Variants in EPC1 observed in about 807,000 individuals in gnomAD.
The protein encoded by EPC1 is enhancer of polycomb 1, also known as enhancer of polycomb homolog 1.
A neutral mutation model predicts 98.4 loss-of-function variants in EPC1; 12 were observed. The ratio of observed to expected loss-of-function variants is 0.12; its 90% confidence interval spans 0.08 to 0.20. The LOEUF is 0.20. Among genes scored for constraint, EPC1 ranks in the 10% least tolerant of loss-of-function variants. The pLI is 1.00. For missense variants in EPC1, 729 were observed against 990.5 expected (o/e 0.74, Z 3.54); for synonymous variants, 357 against 363.9 (o/e 0.98, Z 0.21).
chr10:32,299,626 T>G (rs1477794591), intron 2 of EPC1, among the ~76,000 whole-genome samples: 1 of 152,184 alleles, frequency 6.6e-6, no homozygotes, highest in Non-Finnish European at 1.5e-5. Flanking sequence ...CCATTGTGAT[T>G]AGATTACACA....
chr10:32,290,483 C>CTCAG (rs369289877), intron 6 of EPC1, among the ~76,000 whole-genome samples: 4 of 40,160 alleles, frequency 1.0e-4, no homozygotes, highest in African/African-American at 1.3e-4. Context: ...AAGACTCTGT[C>CTCAG]AAAAAAAAAA....
intron 1 of EPC1, among the ~76,000 whole-genome samples, chr10:32,357,633 AT>A (rs1275576273): frequency 6.6e-6 from 1 of 151,724 alleles, no homozygotes; most frequent in African/African-American, 2.4e-5. Context: ...TAATTTTTTA[AT>A]TGTTTTCTAG....
chr10:32,268,887 T>C lies in EPC1; in HGVS notation c.*176A>G, dbSNP rs1835703575. The C allele has an allele frequency of 1.8e-6, 1 of 569,468 alleles. No homozygotes were observed. The highest frequency in any genetic ancestry group is 2.9e-5 in the East Asian group (1 of 34,278). 35.3% of individuals were successfully genotyped at this position (569,468 alleles called of 1,614,324 possible). ...TTCTTAATTTACAGATGTTGATTTTTTTCCTATTAACAGTAAGAAAAGAAA... is the reference window on the plus strand; with the variant it reads ...TTCTTAATTTACAGATGTTGATTTTCTTCCTATTAACAGTAAGAAAAGAAA... On this transcript the variant is annotated 3_prime_UTR_variant, in exon 14 of 14. Coordinates refer to ENST00000319778, the MANE Select transcript of EPC1 (RefSeq NM_001272004.3).
chr10:32,372,584 A>G (rs1458479022), intron 1 of EPC1, among the ~76,000 whole-genome samples: 1 of 152,260 alleles, frequency 6.6e-6, no homozygotes, highest in African/African-American at 2.4e-5. Context: ...CAAATGTATC[A>G]GAAGCAAATT....
intron 1 of EPC1, among the ~76,000 whole-genome samples, chr10:32,306,888 AC>A (rs1419583205): frequency 6.6e-6 from 1 of 150,400 alleles, no homozygotes; most frequent in Non-Finnish European, 1.5e-5. Flanking sequence ...ACACACACAA[AC>A]AAGTTCATGG....
Position 32,271,571 on chromosome 10 carries a change from A to G in EPC1, c.2352T>C (p.Ser784=). 6.2e-7 allele frequency: 1 copy of G among 1,614,012 alleles called. No homozygotes were observed. Among genetic ancestry groups the G allele is most frequent in the African/African-American group, 1.3e-5 (1 of 75,066 alleles). The change falls in exon 13 of 14, where the codon TCT becomes TCC. Residue 784 remains serine (S), a synonymous_variant. Transcript: ENST00000319778. ...CQVSKVPSSS[S]VDSVPRENHE... ...CTACTCACCTTGGAACTGAATCTACAGAGGATGAAGATGGGACCTTGGAAA... is the reference window on the plus strand; with the variant it reads ...CTACTCACCTTGGAACTGAATCTACGGAGGATGAAGATGGGACCTTGGAAA...
At chr10:32,355,593 T>G (rs1391368374) in intron 1 of EPC1, among the ~76,000 whole-genome samples, 1 of 140,226 alleles carries the variant, frequency 7.1e-6, no homozygotes, top group African/African-American at 2.6e-5. Context: ...ACACACTACC[T>G]TTAGTGCCTT....
upstream of EPC1, among the ~76,000 whole-genome samples, chr10:32,349,623 A>G (rs1041202509): frequency 6.6e-5 from 10 of 152,182 alleles, no homozygotes; most frequent in Admixed American, 5.9e-4. Context: ...TTTGTTTTTT[A>G]GAGACAGTGT....
chr10:32,344,348 C>T (rs116469522), intron 1 of EPC1, among the ~76,000 whole-genome samples: 1,728 of 152,188 alleles, frequency 0.011, 35 homozygotes, highest in African/African-American at 0.039. Context: ...TGCTTCTCTC[C>T]TCATACATAG....
intron 2 of EPC1, among the ~76,000 whole-genome samples, chr10:32,304,617 C>T (rs1835763808): frequency 6.6e-6 from 1 of 151,992 alleles, no homozygotes; most frequent in Non-Finnish European, 1.5e-5. Context: ...TAGATGGTCC[C>T]CTAGAAAAAC....
rs1835854964 is a variant in EPC1, at chr10:32,271,760, A to G, written c.2163T>C (p.Ser721=). The change falls in exon 13 of 14, where the codon TCT becomes TCC. Residue 721 remains serine, a synonymous_variant. Coordinates refer to ENST00000319778, the MANE Select transcript of EPC1 (RefSeq NM_001272004.3). ...ALSHQVTAAN[S]ATTQVLIGNN... is the part of the protein sequence containing the mutation. Reference sequence around the variant, plus strand: ...TCCCAATCAGAACCTGAGTTGTTGCAGAATTGGCAGCAGTTACTTGATGAC... The same window carrying G: ...TCCCAATCAGAACCTGAGTTGTTGCGGAATTGGCAGCAGTTACTTGATGAC... 1 of 1,614,212 alleles carries G rather than the reference A, an allele frequency of 6.2e-7. No individual in the cohort carries two copies. The highest frequency in any genetic ancestry group is 8.5e-7 in the Non-Finnish European group (1 of 1,180,036).
At chr10:32,326,390 G>C (rs1441444723) in intron 1 of EPC1, among the ~76,000 whole-genome samples, 1 of 152,144 alleles carries the variant, frequency 6.6e-6, no homozygotes, top group Non-Finnish European at 1.5e-5. Context: ...CGCCAGGCTT[G>C]AGATGTTTAC....
intron 2 of EPC1, among the ~76,000 whole-genome samples, chr10:32,301,245 A>T (rs1835521868): frequency 6.6e-6 from 1 of 152,224 alleles, no homozygotes; most frequent in Non-Finnish European, 1.5e-5. Context: ...GGATCTGTAT[A>T]ATGAAAATTA....
At chr10:32,369,340 C>T (rs1839685802) in intron 1 of EPC1, among the ~76,000 whole-genome samples, 1 of 152,152 alleles carries the variant, frequency 6.6e-6, no homozygotes, top group South Asian at 2.1e-4. Context: ...TCTAACATGA[C>T]TTGAAAATAA....
intron 2 of EPC1, among the ~76,000 whole-genome samples, chr10:32,298,354 G>A (rs1835295189): frequency 6.6e-6 from 1 of 152,142 alleles, no homozygotes; most frequent in Non-Finnish European, 1.5e-5. Flanking sequence ...AACAAATAGT[G>A]AAAGGATATC....
At chr10:32,275,010 C>G (rs989291426) in intron 10 of EPC1, among the ~76,000 whole-genome samples, 3 of 152,140 alleles carry the variant, frequency 2.0e-5, no homozygotes, top group African/African-American at 7.2e-5. Context: ...TAAGCCTTGG[C>G]TTTTCTAGTA....
At chr10:32,361,021 G>A (rs1839429402) in intron 1 of EPC1, among the ~76,000 whole-genome samples, 1 of 152,186 alleles carries the variant, frequency 6.6e-6, no homozygotes, top group Non-Finnish European at 1.5e-5. Context: ...CAAAGGCCAA[G>A]GGAGCACTCT....
chr10:32,284,873 T>C lies in EPC1; in HGVS notation c.1569A>G (p.Ser523=). 1.2e-6 allele frequency: 2 copies of C among 1,614,180 alleles called. No homozygotes were observed. ...GAGGCCTAAAATGCCGCCATCTACA[T>C]GATTTGATATTGACTAGTATCTGAC... is the stretch of plus-strand genomic sequence containing the variant. ...DLSQILVNIK[S]CRWRHFRPRT... is the part of the protein sequence containing the mutation. Residue 523 remains serine (S), a synonymous_variant, in exon 10 of 14, where the codon TCA becomes TCG. Coordinates refer to ENST00000319778, the MANE Select transcript of EPC1 (RefSeq NM_001272004.3).
chr10:32,365,177 A>G (rs961878547), intron 1 of EPC1, among the ~76,000 whole-genome samples: 4 of 152,190 alleles, frequency 2.6e-5, no homozygotes, highest in African/African-American at 9.7e-5. Flanking sequence ...GTCTTACAGG[A>G]TGGTTAGTAG....
Sources: gnomAD v4.1 joint callset for allele counts (sites outside exome capture counted in the v4.1 genomes callset) on GRCh38, gnomAD v4.1.1 for gene constraint, MANE v1.5 for transcripts, NCBI Gene and HGNC (gene_info 2026-07-23, HGNC 2026-07-21) for gene names.